GALNT13: variants seen among roughly 807,000 people sequenced by gnomAD.
GALNT13 encodes polypeptide N-acetylgalactosaminyltransferase 13.
In GALNT13, 28 loss-of-function variants were observed where a neutral mutation model predicts 64.2. The observed-to-expected ratio is 0.44, with a 90% CI of 0.32 to 0.60. GALNT13 has a LOEUF of 0.60. GALNT13 is among the 20% of genes least tolerant of loss of function. The pLI is 0.05. For synonymous variants in GALNT13, 214 were observed against 224.6 expected, an observed-to-expected ratio of 0.95 and a Z score of 0.42; for missense variants, 577 against 669.8, an observed-to-expected ratio of 0.86 and a Z score of 1.53.
the GALNT13 span, among the ~76,000 whole-genome samples, chr2:153,858,425 G>A: frequency 6.6e-6 from 1 of 152,152 alleles, no homozygotes; most frequent in African/African-American, 2.4e-5. Context: ...GATTCAAGGA[G>A]CGCAGGGAGA....
the GALNT13 span, among the ~76,000 whole-genome samples, chr2:153,087,391 G>T: frequency 6.6e-6 from 1 of 151,974 alleles, no homozygotes; most frequent in Non-Finnish European, 1.5e-5. Flanking sequence ...CTAGTGTTTT[G>T]TTGATGATCT....
chr2:153,549,429 A>G, the GALNT13 span, among the ~76,000 whole-genome samples: 939 of 152,292 alleles, frequency 6.2e-3, 11 homozygotes, highest in African/African-American at 0.021. Flanking sequence ...TCACCTCAAG[A>G]GGTAGAGCTT....
the GALNT13 span, among the ~76,000 whole-genome samples, chr2:153,307,641 T>C: frequency 6.6e-6 from 1 of 152,152 alleles, no homozygotes; most frequent in Non-Finnish European, 1.5e-5. Context: ...TGCTACAATT[T>C]ATATAGAAAT....
the GALNT13 span, among the ~76,000 whole-genome samples, chr2:153,073,266 A>G: frequency 1.3e-5 from 2 of 152,032 alleles, no homozygotes; most frequent in African/African-American, 2.4e-5. Flanking sequence ...TGTGGTTTTC[A>G]TTGCATCTAG....
intron 3 of GALNT13, among the ~76,000 whole-genome samples, chr2:154,098,398 T>C (rs1702182074): frequency 6.6e-6 from 1 of 152,078 alleles, no homozygotes; most frequent in South Asian, 2.1e-4. Context: ...ATTCAACTTC[T>C]AGAACTTGTT....
chr2:153,795,049 C>T, the GALNT13 span, among the ~76,000 whole-genome samples: 3 of 152,052 alleles, frequency 2.0e-5, no homozygotes, highest in East Asian at 1.9e-4. Context: ...CTAAACAGAC[C>T]TCACAGGTTT....
intron 3 of GALNT13, among the ~76,000 whole-genome samples, chr2:153,989,055 T>C (rs1293937678): frequency 2.7e-5 from 2 of 75,422 alleles, no homozygotes; most frequent in African/African-American, 5.3e-5. Flanking sequence ...AAGTTACATA[T>C]TACTGTTACA....
chr2:153,611,915 T>G, the GALNT13 span, among the ~76,000 whole-genome samples: 11 of 151,544 alleles, frequency 7.3e-5, no homozygotes. Flanking sequence ...GTCCATGTGT[T>G]CTCATTGTTC....
At chr2:154,093,277 A>G (rs1255650291) in intron 3 of GALNT13, among the ~76,000 whole-genome samples, 3 of 152,060 alleles carry the variant, frequency 2.0e-5, no homozygotes, top group Non-Finnish European at 4.4e-5. Flanking sequence ...TTTTTGTAAT[A>G]TCTATAACTA....
At position 154,040,906 on chromosome 2, in the gene GALNT13, C is replaced by T. The variant is rs188294500; in HGVS notation, c.142+96267C>T. Among the ~76,000 whole-genome samples, 9 of 139,440 alleles carry T rather than the reference C, an allele frequency of 6.5e-5. 1 individual carries two copies. The highest frequency in any genetic ancestry group is 5.8e-4 in the Admixed American group (8 of 13,872). 91.5% of individuals were successfully genotyped at this position (139,440 alleles called of 152,430 possible). On this transcript the variant is annotated intron_variant, in intron 3 of 12. Coordinates refer to ENST00000392825, the MANE Select transcript of GALNT13 (RefSeq NM_052917.4). The stretch of plus-strand genomic sequence containing the variant: ...TATTCATTATTATTCCTTAGATGCT[C>T]GAATCCTCCATACAATGTGGTACTT...
the GALNT13 span, among the ~76,000 whole-genome samples, chr2:153,074,745 A>G: frequency 5.3e-5 from 8 of 152,082 alleles, no homozygotes; most frequent in Non-Finnish European, 1.2e-4. Flanking sequence ...GTGATTATTG[A>G]TTATTATTTT....
the GALNT13 span, among the ~76,000 whole-genome samples, chr2:153,558,756 C>A: frequency 6.6e-6 from 1 of 152,210 alleles, no homozygotes; most frequent in Non-Finnish European, 1.5e-5. Flanking sequence ...GCATGTTTCT[C>A]TGAAAGTGTT....
At chr2:154,027,261 C>T (rs1165986328) in intron 3 of GALNT13, among the ~76,000 whole-genome samples, 1 of 152,100 alleles carries the variant, frequency 6.6e-6, no homozygotes, top group Non-Finnish European at 1.5e-5. Flanking sequence ...TTCCATCTGC[C>T]TTGTTTATCA....
At chr2:153,281,313 G>A in the GALNT13 span, among the ~76,000 whole-genome samples, 10 of 101,000 alleles carry the variant, frequency 9.9e-5, no homozygotes, top group Admixed American at 5.2e-4. Flanking sequence ...AGGTGAATGA[G>A]CCTTGCGTTT....
chr2:154,381,438 T>C (rs1231328424), intron 9 of GALNT13, among the ~76,000 whole-genome samples: 1 of 152,072 alleles, frequency 6.6e-6, no homozygotes, highest in Non-Finnish European at 1.5e-5. Flanking sequence ...TCTGTACATC[T>C]CTCAAATACA....
intron 4 of GALNT13, among the ~76,000 whole-genome samples, chr2:154,202,328 G>A (rs4605319): frequency 6.6e-6 from 1 of 152,048 alleles, no homozygotes; most frequent in Admixed American, 6.6e-5. Flanking sequence ...AGTACTGTAT[G>A]TTCCCTGATG....
At chr2:154,057,929 C>T (rs575824669) in intron 3 of GALNT13, among the ~76,000 whole-genome samples, 13 of 152,134 alleles carry the variant, frequency 8.5e-5, no homozygotes, top group African/African-American at 2.4e-4. Flanking sequence ...TTAATTTATC[C>T]GTTTATTCAA....
At chr2:153,559,036 CAT>C in the GALNT13 span, among the ~76,000 whole-genome samples, 13,995 of 152,170 alleles carry the variant, frequency 0.092, 834 homozygotes, top group Middle Eastern at 0.18. Context: ...GAAAATCCAA[CAT>C]GTGTTACCTT....
chr2:154,255,404 G>A (rs1407763495), intron 7 of GALNT13, among the ~76,000 whole-genome samples: 4 of 152,156 alleles, frequency 2.6e-5, no homozygotes, highest in African/African-American at 9.7e-5. Context: ...AGAGTAGTAA[G>A]GTGGAATGAA....
Sources: allele counts gnomAD v4.1 joint callset (sites outside exome capture counted in the v4.1 genomes callset), GRCh38; gene constraint gnomAD v4.1.1; transcripts MANE v1.5; gene names NCBI Gene and HGNC (gene_info 2026-07-23, HGNC 2026-07-21).